Variants in STOX2 observed in about 807,000 individuals in gnomAD.
The protein encoded by STOX2 is storkhead-box protein 2.
In STOX2, 28 loss-of-function variants were observed where a neutral mutation model predicts 60.9. The observed-to-expected ratio is 0.46, with a 90% CI of 0.34 to 0.63. STOX2 has a LOEUF of 0.63. Ranked by LOEUF, STOX2 falls within the 30% of genes least tolerant of loss-of-function variation. STOX2 has a pLI of 0.01. For missense variants in STOX2, 1,024 were observed against 1,187.7 expected (o/e 0.86, Z 2.03); for synonymous variants, 472 against 463.9 (o/e 1.02, Z -0.22).
intron 1 of STOX2, among the ~76,000 whole-genome samples, chr4:183,834,746 G>A (rs150066716): frequency 1.1e-3 from 170 of 152,278 alleles, no homozygotes; most frequent in African/African-American, 2.7e-3. Context: ...TCAGTGTGAC[G>A]CATTCATTCA....
chr4:183,985,724 T>G (rs1732812992), intron 1 of STOX2, among the ~76,000 whole-genome samples: 1 of 152,242 alleles, frequency 6.6e-6, no homozygotes, highest in Admixed American at 6.5e-5. Flanking sequence ...TGTCTTTAAC[T>G]GTCAGGAGGT....
chr4:183,944,067 G>A (rs1008827420), intron 1 of STOX2, among the ~76,000 whole-genome samples: 2 of 152,216 alleles, frequency 1.3e-5, no homozygotes, highest in African/African-American at 4.8e-5. Flanking sequence ...ATACATTCTG[G>A]TTGCATAAAT....
At chr4:183,875,779 A>T in intron 1 of STOX2, among the ~76,000 whole-genome samples, 1 of 152,228 alleles carries the variant, frequency 6.6e-6, no homozygotes, top group Non-Finnish European at 1.5e-5. Context: ...GTCAAGTGCC[A>T]TGATGGTGGC....
At position 184,009,513 on chromosome 4, in the gene STOX2, T is replaced by G; in HGVS notation, c.675T>G (p.Pro225=). Reference sequence around the variant, plus strand: ...AGTCTGCCAAGGACTGCAAAGACCCTTACTGTCCCCCTTCTCTGTGCCAGG... The same window carrying G: ...AGTCTGCCAAGGACTGCAAAGACCCGTACTGTCCCCCTTCTCTGTGCCAGG... The part of the protein sequence containing the change: ...QRKSAKDCKD[P]YCPPSLCQVP... Residue 225 remains proline, a synonymous_variant, in exon 3 of 4, where the codon CCT becomes CCG. Transcript: ENST00000308497. This position sits in a 1 kb window ranked among gnomAD's most constrained non-coding sequence, Gnocchi z 4.0. 6.2e-7 allele frequency: 1 copy of G among 1,614,020 alleles called. No homozygotes were observed. Among genetic ancestry groups the G allele is most frequent in the Admixed American group, 1.7e-5 (1 of 60,024 alleles).
chr4:183,839,647 T>A (rs1167037411), intron 1 of STOX2, among the ~76,000 whole-genome samples: 1 of 152,178 alleles, frequency 6.6e-6, no homozygotes, highest in Non-Finnish European at 1.5e-5. Context: ...ATAGAGTGAG[T>A]GAATGAGGCC....
intron 1 of STOX2, among the ~76,000 whole-genome samples, chr4:183,860,869 G>C (rs1560851033): frequency 6.6e-6 from 1 of 152,142 alleles, no homozygotes; most frequent in Non-Finnish European, 1.5e-5. Flanking sequence ...CCGAGTTTCC[G>C]TAGGTGGAAG....
intron 2 of STOX2, among the ~76,000 whole-genome samples, chr4:184,005,084 C>T (rs1033733655): frequency 1.3e-5 from 2 of 152,234 alleles, no homozygotes; most frequent in African/African-American, 4.8e-5. Context: ...CTCATTAAAG[C>T]GTTTCACTTG....
At chr4:183,851,391 AAGGATGAG>A (rs2111142027) in intron 1 of STOX2, among the ~76,000 whole-genome samples, 2 of 90,648 alleles carry the variant, frequency 2.2e-5, no homozygotes, top group African/African-American at 4.4e-5. Flanking sequence ...CGATGAGGGA[AAGGATGAG>A]AGGATGAGAG....
intron 1 of STOX2, among the ~76,000 whole-genome samples, chr4:183,889,935 A>G (rs941794914): frequency 1.3e-5 from 2 of 152,248 alleles, no homozygotes; most frequent in Non-Finnish European, 2.9e-5. Flanking sequence ...TAGAGGCCAT[A>G]CAAGAAAAAG....
chr4:183,989,879 A>T (rs1733023595), intron 1 of STOX2, among the ~76,000 whole-genome samples: 1 of 152,194 alleles, frequency 6.6e-6, no homozygotes, highest in Admixed American at 6.5e-5. Context: ...CATCACATGG[A>T]TGGTTTCAGC....
At chr4:183,963,238 C>T (rs575858852) in intron 1 of STOX2, among the ~76,000 whole-genome samples, 2 of 152,130 alleles carry the variant, frequency 1.3e-5, no homozygotes, top group East Asian at 3.9e-4. Context: ...GTATTTGTTA[C>T]CCCCAACTAA....
intron 1 of STOX2, among the ~76,000 whole-genome samples, chr4:183,829,248 A>G (rs1739512003): frequency 6.6e-6 from 1 of 152,262 alleles, no homozygotes; most frequent in South Asian, 2.1e-4. Flanking sequence ...TCTTTGAAAC[A>G]TACACATTCT....
intron 1 of STOX2, among the ~76,000 whole-genome samples, chr4:183,908,592 G>GTTTTTTTTT (rs10671305): frequency 1.6e-5 from 2 of 126,712 alleles, no homozygotes; most frequent in Admixed American, 8.1e-5. Context: ...CAGGCAGCCA[G>GTTTTTTTTT]TTTTTTTTTT....
intron 1 of STOX2, among the ~76,000 whole-genome samples, chr4:183,997,570 G>C (rs1302148904): frequency 1.3e-5 from 2 of 152,136 alleles, no homozygotes; most frequent in African/African-American, 2.4e-5. Context: ...GAGGCAGGAG[G>C]GAAGGCTGAA....
chr4:184,010,671 C>T lies in STOX2; in HGVS notation c.1833C>T (p.Leu611=), dbSNP rs752662701. Residue 611 remains leucine (L), a synonymous_variant, in exon 3 of 4, where the codon CTC becomes CTT. Transcript: ENST00000308497. This position sits in a 1 kb window ranked among gnomAD's most constrained non-coding sequence, Gnocchi z 4.5. ...FQCNTSSETV[L]TAPSPLGKNK... ...GCAACACCTCTAGTGAGACGGTGCT[C>T]ACGGCACCATCACCTCTGGGAAAGA... The T allele has an allele frequency of 3.7e-6, 6 of 1,613,602 alleles. No individual in the cohort carries two copies. In the South Asian group the frequency reaches 6.6e-5, roughly 18 times the overall value.
At chr4:183,902,507 G>A (rs1741484451), upstream of STOX2, among the ~76,000 whole-genome samples, 1 of 152,002 alleles carries the variant, frequency 6.6e-6, no homozygotes, top group Admixed American at 6.5e-5. Flanking sequence ...TTACAAAACC[G>A]AGCTTGCTTG....
chr4:183,876,268 G>A (rs1740826276), intron 1 of STOX2, among the ~76,000 whole-genome samples: 1 of 152,154 alleles, frequency 6.6e-6, no homozygotes, highest in South Asian at 2.1e-4. Context: ...GACTTGGCCA[G>A]GTCCCAAGCT....
At chr4:183,802,644 C>T (rs1579282430) in intron 1 of STOX2, among the ~76,000 whole-genome samples, 1 of 145,594 alleles carries the variant, frequency 6.9e-6, no homozygotes, top group Admixed American at 7.0e-5. Flanking sequence ...CTCGCTCTGT[C>T]GCCCAGGCTG....
At chr4:183,959,336 G>A (rs1264083769) in intron 1 of STOX2, among the ~76,000 whole-genome samples, 1 of 152,088 alleles carries the variant, frequency 6.6e-6, no homozygotes, top group African/African-American at 2.4e-5. Flanking sequence ...GGCGGAAGGG[G>A]GGGTTTTCAA....
Sources: allele counts gnomAD v4.1 joint callset (sites outside exome capture counted in the v4.1 genomes callset), GRCh38; gene constraint gnomAD v4.1.1; non-coding constraint Gnocchi (gnomAD v3.1); transcripts MANE v1.5; gene names NCBI Gene and HGNC (gene_info 2026-07-23, HGNC 2026-07-21).